Variants in RPTOR observed in about 807,000 individuals in gnomAD.
RPTOR encodes the protein regulatory associated protein of MTOR complex 1.
RPTOR carries 21 observed loss-of-function variants against 169.9 expected under a neutral mutation model. The ratio of observed to expected loss-of-function variants is 0.12; its 90% confidence interval spans 0.09 to 0.18. RPTOR has a LOEUF of 0.18. RPTOR is among the 10% of genes least tolerant of loss of function. The pLI is 1.00. For synonymous variants in RPTOR, 732 were observed against 753.2 expected, an observed-to-expected ratio of 0.97 and a Z score of 0.46; for missense variants, 1,133 against 1,855.9, an observed-to-expected ratio of 0.61 and a Z score of 7.16.
Position 80,823,929 on chromosome 17 carries a change from C to G in RPTOR, c.1136+706C>G, listed in dbSNP as rs1344965895. On this transcript the variant is annotated intron_variant, in intron 9 of 33. Transcript: ENST00000306801. The surrounding 1 kb of genome is among the most constrained non-coding windows in gnomAD (Gnocchi z 4.5). The stretch of plus-strand genomic sequence containing the variant: ...TTTCTGTTCATCAATGGGAGAAACC[C>G]TAACAACACAAATATTTTTAAAAGA... Among the ~76,000 whole-genome samples the G allele has an allele frequency of 1.3e-5, 2 of 152,164 alleles. No individual in the cohort carries two copies. Among genetic ancestry groups the G allele is most frequent in the Non-Finnish European group, 2.9e-5 (2 of 68,042 alleles).
At chr17:80,650,042 C>T (rs1038702854) in intron 3 of RPTOR, among the ~76,000 whole-genome samples, 1 of 152,222 alleles carries the variant, frequency 6.6e-6, no homozygotes. Flanking sequence ...GCTATCCCTC[C>T]GAATACCTTA....
chr17:80,744,607 GCACAGCCCTGGT>G (rs2066545075), intron 5 of RPTOR, among the ~76,000 whole-genome samples: 1 of 79,588 alleles, frequency 1.3e-5, no homozygotes, highest in Non-Finnish European at 2.5e-5. Flanking sequence ...CTGGTTACTA[GCACAGCCCTGGT>G]TACTAGCAGA....
At chr17:80,787,262 T>C (rs548413609) in intron 6 of RPTOR, among the ~76,000 whole-genome samples, 2 of 152,388 alleles carry the variant, frequency 1.3e-5, no homozygotes, top group East Asian at 3.9e-4. Context: ...GGTTGGAATG[T>C]GGACATTTCC....
At chr17:80,826,805 G>T (rs1598333960) in intron 9 of RPTOR, among the ~76,000 whole-genome samples, 3 of 152,260 alleles carry the variant, frequency 2.0e-5, no homozygotes, top group Admixed American at 2.0e-4. Context: ...ACACCTGTGG[G>T]CTCCACCAGC....
chr17:80,879,911 C>A (rs537622233), intron 13 of RPTOR, among the ~76,000 whole-genome samples: 1 of 152,362 alleles, frequency 6.6e-6, no homozygotes, highest in Admixed American at 6.5e-5. Context: ...GTGGGAAGCA[C>A]CTGCTCAAGT....
chr17:80,755,196 G>A (rs576292826), intron 6 of RPTOR, among the ~76,000 whole-genome samples: 4 of 152,178 alleles, frequency 2.6e-5, no homozygotes, highest in Non-Finnish European at 5.9e-5. Context: ...TGACTGCAGC[G>A]CAGCCCTCAC....
chr17:80,864,370 G>GCGTGATGGC (rs2067960703), intron 13 of RPTOR, among the ~76,000 whole-genome samples: 1 of 143,344 alleles, frequency 7.0e-6, no homozygotes, highest in African/African-American at 2.8e-5. Flanking sequence ...GAAAAGGTGA[G>GCGTGATGGC]AATGATGGCA....
At chr17:80,784,856 G>A (rs530949105) in intron 6 of RPTOR, among the ~76,000 whole-genome samples, 7 of 152,104 alleles carry the variant, frequency 4.6e-5, no homozygotes, top group African/African-American at 9.6e-5. Flanking sequence ...CCGCCACCAC[G>A]CCTGGCTAAT....
At chr17:80,615,616 T>TGA (rs1166030205) in intron 1 of RPTOR, among the ~76,000 whole-genome samples, 1 of 152,194 alleles carries the variant, frequency 6.6e-6, no homozygotes, top group African/African-American at 2.4e-5. Flanking sequence ...TCATCTCTGA[T>TGA]ACCCACTTAG....
chr17:80,625,620 A>T, intron 1 of RPTOR, 71 bp from the exon 2 acceptor site: 1 of 1,231,984 alleles, frequency 8.1e-7, no homozygotes, highest in African/African-American at 1.5e-5. Context: ...GGGACATTTT[A>T]AAAGCTGGAA....
At chr17:80,806,937 A>G (rs1388754368) in intron 7 of RPTOR, among the ~76,000 whole-genome samples, 1 of 152,144 alleles carries the variant, frequency 6.6e-6, no homozygotes, top group Non-Finnish European at 1.5e-5. Flanking sequence ...GACCACATGC[A>G]TTAACCCTCA....
At chr17:80,690,258 C>T (rs1023314646) in intron 3 of RPTOR, among the ~76,000 whole-genome samples, 7 of 152,002 alleles carry the variant, frequency 4.6e-5, no homozygotes, top group South Asian at 4.2e-4. Context: ...TCCCAGACTT[C>T]ATGTAATTTC....
chr17:80,676,201 A>G (rs1281941651), intron 3 of RPTOR, among the ~76,000 whole-genome samples: 1 of 152,176 alleles, frequency 6.6e-6, no homozygotes, highest in Non-Finnish European at 1.5e-5. Flanking sequence ...GCAAAATGGT[A>G]ATGTCCTACT....
intron 6 of RPTOR, among the ~76,000 whole-genome samples, chr17:80,758,834 C>T (rs1056534965): frequency 3.3e-5 from 5 of 151,922 alleles, no homozygotes; most frequent in Admixed American, 6.6e-5. Flanking sequence ...TGCAAGTTTT[C>T]AGGCAGATGG....
At chr17:80,940,629 G>T in intron 25 of RPTOR, 28 bp downstream of exon 25, 1 of 1,566,594 alleles carries the variant, frequency 6.4e-7, no homozygotes, top group Admixed American at 1.8e-5. Flanking sequence ...GCCAGCCAGG[G>T]GCTCATTCCG....
At chr17:80,717,590 C>T (rs2066250270) in intron 4 of RPTOR, among the ~76,000 whole-genome samples, 1 of 152,212 alleles carries the variant, frequency 6.6e-6, no homozygotes, top group African/African-American at 2.4e-5. Context: ...GTAGAGCATG[C>T]AGTCCTGTTG....
In RPTOR at chr17:80,700,757, A is replaced by ATGGTGGTGGTGGTGGTGG. The variant is rs1460891152; in HGVS notation, c.349-7079_349-7078insGTGGTGGTGGTGGTGGTG. ...GATGGTGGTGGTGGTGGTGGTGATG[A>ATGGTGGTGGTGGTGGTGG]TGGTGATGGTGATGGTAGAGATGAT... On this transcript the variant is annotated intron_variant, in intron 3 of 33. Coordinates refer to ENST00000306801, the MANE Select transcript of RPTOR (RefSeq NM_020761.3). 4.9e-3 allele frequency among the ~76,000 whole-genome samples: 238 copies of ATGGTGGTGGTGGTGGTGG among 48,530 alleles called. 32 individuals are homozygous for ATGGTGGTGGTGGTGGTGG. The highest frequency in any genetic ancestry group is 0.013 in the East Asian group (12 of 898). 31.8% of individuals were successfully genotyped at this position (48,530 alleles called of 152,430 possible).
chr17:80,724,907 A>G (rs2066318323), intron 4 of RPTOR, among the ~76,000 whole-genome samples: 1 of 152,076 alleles, frequency 6.6e-6, no homozygotes. Context: ...CTGGGATGCA[A>G]ACTTGCTGAG....
intron 5 of RPTOR, among the ~76,000 whole-genome samples, chr17:80,738,287 T>C (rs747040840): frequency 5.9e-5 from 9 of 152,220 alleles, no homozygotes; most frequent in Non-Finnish European, 1.0e-4. Flanking sequence ...TTTGTGCCGT[T>C]TCATCCATCT....
Sources: gnomAD v4.1 joint callset for allele counts (sites outside exome capture counted in the v4.1 genomes callset) on GRCh38, gnomAD v4.1.1 for gene constraint, Gnocchi (gnomAD v3.1) non-coding constraint, MANE v1.5 for transcripts, NCBI Gene and HGNC (gene_info 2026-07-23, HGNC 2026-07-21) for gene names.